The following MUC22 variants were observed in gnomAD, a reference collection of about 807,000 sequenced individuals.
The protein encoded by MUC22 is mucin 22.
In MUC22, 24 loss-of-function variants were observed where a neutral mutation model predicts 40.3. That is an observed-to-expected ratio of 0.60 (90% CI 0.43 to 0.84). The LOEUF is 0.84. Ranked by LOEUF, MUC22 falls within the 40% of genes least tolerant of loss-of-function variation. The pLI is 0.00. For synonymous variants in MUC22, 765 were observed against 844.5 expected (o/e 0.91, Z 1.63); for missense variants, 1,926 against 2,130.7 (o/e 0.90, Z 1.89).
At chr6:31,029,570 C>T in exon 2 of MUC22, 1 of 1,529,308 alleles carries the variant, frequency 6.5e-7, no homozygotes, top group South Asian at 1.2e-5. Context: ...ACAGTTTCTA[C>T]CACTAGCTCT....
upstream of MUC22, among the ~76,000 whole-genome samples, chr6:31,008,592 G>A (rs369927884): frequency 6.1e-5 from 9 of 146,394 alleles, no homozygotes; most frequent in African/African-American, 2.3e-4. Context: ...TCTGTCACCC[G>A]GGCTGGAGTG....
At chr6:31,023,745 G>A (rs376549551) in intron 1 of MUC22, among the ~76,000 whole-genome samples, 9 of 152,092 alleles carry the variant, frequency 5.9e-5, no homozygotes, top group African/African-American at 2.2e-4. Flanking sequence ...AGAAAGATAC[G>A]GCCATACTGT....
intron 1 of MUC22, among the ~76,000 whole-genome samples, chr6:31,015,803 T>C (rs946623526): frequency 1.1e-4 from 16 of 152,246 alleles, no homozygotes; most frequent in Admixed American, 5.9e-4. Context: ...GATTCTTTCA[T>C]TGTGTTAGGA....
chr6:31,028,775 C>T (rs765862185), exon 2 of MUC22: 1 of 1,533,524 alleles, frequency 6.5e-7, no homozygotes, highest in Non-Finnish European at 8.7e-7. Context: ...GGCTCTGAGA[C>T]CACCACAGCC....
intron 1 of MUC22, among the ~76,000 whole-genome samples, chr6:31,018,679 A>C (rs1764448472): frequency 6.6e-6 from 1 of 152,270 alleles, no homozygotes. Context: ...CCCATCATGC[A>C]AATCTGTTTT....
At chr6:31,021,846 G>A (rs989848021) in intron 1 of MUC22, among the ~76,000 whole-genome samples, 21 of 152,110 alleles carry the variant, frequency 1.4e-4, no homozygotes, top group African/African-American at 4.8e-4. Flanking sequence ...ACCTGCTTGG[G>A]TCGTTTTCCA....
intron 1 of MUC22, among the ~76,000 whole-genome samples, chr6:31,013,779 T>G (rs368365955): frequency 6.6e-6 from 1 of 152,336 alleles, no homozygotes; most frequent in Non-Finnish European, 1.5e-5. Context: ...TCCTCTCACC[T>G]CAGCTTTCCA....
exon 2 of MUC22, chr6:31,029,643 GACCACC>G: frequency 6.5e-7 from 1 of 1,535,436 alleles, no homozygotes; most frequent in Non-Finnish European, 8.7e-7. Context: ...CAGTCTCTGA[GACCACC>G]ACAGTCTCTA....
chr6:31,029,624 T>G, exon 2 of MUC22: 2 of 1,518,830 alleles, frequency 1.3e-6, no homozygotes, highest in Non-Finnish European at 1.8e-6. Flanking sequence ...ATGACTACAG[T>G]CTTTACCACA....
At chr6:31,022,696 ACT>A (rs576703206) in intron 1 of MUC22, among the ~76,000 whole-genome samples, 107 of 152,298 alleles carry the variant, frequency 7.0e-4, no homozygotes, top group African/African-American at 2.5e-3. Flanking sequence ...CTGTGTTGAG[ACT>A]CTCATGCCTT....
chr6:31,021,291 ACT>A (rs1375781220), intron 1 of MUC22, among the ~76,000 whole-genome samples: 8 of 152,062 alleles, frequency 5.3e-5, no homozygotes, highest in African/African-American at 9.7e-5. Context: ...ACCAATGGAC[ACT>A]CTGTATCTAG....
At chr6:31,010,491 A>G (rs750210021) in exon 1 of MUC22, 15 of 552,866 alleles carry the variant, frequency 2.7e-5, no homozygotes, top group Non-Finnish European at 4.8e-5. Flanking sequence ...AAGAAAAATA[A>G]GAAGCCAAAC....
chr6:31,029,345 C>T, exon 2 of MUC22: 1 of 1,535,150 alleles, frequency 6.5e-7, no homozygotes, highest in South Asian at 1.2e-5. Context: ...GGCTCTGAGA[C>T]TACCACCACC....
chr6:31,009,567 G>T (rs1162670691), upstream of MUC22, among the ~76,000 whole-genome samples: 1 of 152,106 alleles, frequency 6.6e-6, no homozygotes, highest in Non-Finnish European at 1.5e-5. Flanking sequence ...CATACAGTAT[G>T]CCTTCCAAAA....
intron 1 of MUC22, among the ~76,000 whole-genome samples, chr6:31,016,479 A>T (rs1196956281): frequency 9.0e-6 from 1 of 111,472 alleles, no homozygotes; most frequent in Non-Finnish European, 1.9e-5. Context: ...TCTTTCCACA[A>T]GAAGAATTCT....
At chr6:31,025,581 C>G in exon 2 of MUC22, 1 of 1,523,230 alleles carries the variant, frequency 6.6e-7, no homozygotes. Context: ...CCACCATGGC[C>G]TCCACCATGG....
chr6:31,025,370 A>T, intron 1 of MUC22, 132 bp from the exon 2 acceptor site: 1 of 1,033,576 alleles, frequency 9.7e-7, no homozygotes, highest in Non-Finnish European at 1.3e-6. Flanking sequence ...AATACCAGGT[A>T]CATGTTAAGC....
intron 1 of MUC22, among the ~76,000 whole-genome samples, chr6:31,018,359 C>T (rs1388604568): frequency 6.6e-6 from 1 of 152,214 alleles, no homozygotes; most frequent in African/African-American, 2.4e-5. Flanking sequence ...ACACCCAAAT[C>T]TTTAGAGGAA....
At chr6:31,033,606 A>G (rs572526668) in intron 3 of MUC22, among the ~76,000 whole-genome samples, 86 of 152,334 alleles carry the variant, frequency 5.6e-4, no homozygotes, top group Middle Eastern at 3.4e-3. Context: ...GGAGTGAAGC[A>G]GAGTATAAAT....
Sources: gnomAD v4.1 joint callset for allele counts (sites outside exome capture counted in the v4.1 genomes callset) on GRCh38, gnomAD v4.1.1 for gene constraint, MANE v1.5 for transcripts, NCBI Gene and HGNC (gene_info 2026-07-23, HGNC 2026-07-21) for gene names.